Variants in FAM222B observed in about 807,000 individuals in gnomAD.
FAM222B encodes family with sequence similarity 222 member B.
FAM222B carries 12 observed loss-of-function variants against 38.0 expected under a neutral mutation model. The observed-to-expected ratio is 0.32, with a 90% CI of 0.20 to 0.51. The LOEUF (loss-of-function observed/expected upper bound fraction) is 0.51, where lower values mean the gene tolerates loss of function less well. Among genes scored for constraint, FAM222B ranks in the 20% least tolerant of loss-of-function variants. The probability of loss-of-function intolerance (pLI) is 0.97; values close to 1 mark genes in which losing one functional copy is unlikely to be tolerated. For missense variants in FAM222B, 716 were observed against 754.2 expected, an observed-to-expected ratio of 0.95 and a Z score of 0.59; for synonymous variants, 329 against 317.2, an observed-to-expected ratio of 1.04 and a Z score of -0.40.
chr17:28,805,621 A>ACATC (rs2037455337), intron 1 of FAM222B, among the ~76,000 whole-genome samples: 1 of 151,948 alleles, frequency 6.6e-6, no homozygotes, highest in African/African-American at 2.4e-5. Context: ...ACTATATTCG[A>ACATC]ACCTGGATGA....
rs529078040 is a variant in FAM222B at position 28,775,899 on chromosome 17, CAAAAACAA to C, written c.-40-9200_-40-9193del. Among the ~76,000 whole-genome samples the C allele has an allele frequency of 2.6e-4, 38 of 143,966 alleles. No individual in the cohort carries two copies. The South Asian group carries it at 8.1e-3, about 31-fold the overall frequency. 94.4% of individuals were successfully genotyped at this position (143,966 alleles called of 152,430 possible). A position where few individuals can be genotyped will look rare whatever the true frequency, so the allele number is the denominator to read the frequency against. ...CCATCTCCAAAAAAAAAAACAAAAA[CAAAAACAA>C]AAAAACAAAAAAAACAAAAAGAGCC... On this transcript the variant is annotated intron_variant, in intron 1 of 2. Transcript: ENST00000581407.
At chr17:28,826,642 T>C (rs985123878) in intron 1 of FAM222B, among the ~76,000 whole-genome samples, 10 of 146,274 alleles carry the variant, frequency 6.8e-5, no homozygotes, top group Admixed American at 4.9e-4. Context: ...GATGGCGCCA[T>C]TGCACTCCAG....
At chr17:28,839,123 C>CGAGA (rs2038949534) in intron 1 of FAM222B, among the ~76,000 whole-genome samples, 1 of 151,998 alleles carries the variant, frequency 6.6e-6, no homozygotes, top group African/African-American at 2.4e-5. Context: ...AGGAGAATGG[C>CGAGA]GAGAACCCGG....
chr17:28,835,062 G>GTT (rs1252932007), intron 1 of FAM222B, among the ~76,000 whole-genome samples: 1 of 133,088 alleles, frequency 7.5e-6, no homozygotes, highest in Non-Finnish European at 1.7e-5. Flanking sequence ...GTGTGTGTGT[G>GTT]TGTGATGGAG....
chr17:28,760,614 G>C (rs577436089), intron 2 of FAM222B, among the ~76,000 whole-genome samples: 2 of 152,154 alleles, frequency 1.3e-5, no homozygotes, highest in African/African-American at 4.8e-5. Context: ...GAAATGCAGG[G>C]TCTGGAACTC....
At chr17:28,841,064 G>A (rs977541089) in intron 1 of FAM222B, among the ~76,000 whole-genome samples, 2 of 152,160 alleles carry the variant, frequency 1.3e-5, no homozygotes, top group African/African-American at 4.8e-5. Context: ...AGAGGCCGAG[G>A]TGGGTGGATC....
chr17:28,793,288 T>A (rs1450738506), intron 1 of FAM222B, among the ~76,000 whole-genome samples: 1 of 152,118 alleles, frequency 6.6e-6, no homozygotes, highest in African/African-American at 2.4e-5. Context: ...TAAACACACA[T>A]CCAGAACCTC....
chr17:28,814,095 G>A (rs2037921521), intron 1 of FAM222B, among the ~76,000 whole-genome samples: 1 of 151,442 alleles, frequency 6.6e-6, no homozygotes, highest in African/African-American at 2.4e-5. Flanking sequence ...AACTCGCACG[G>A]TAGTCCCAGC....
intron 1 of FAM222B, among the ~76,000 whole-genome samples, chr17:28,806,015 G>A (rs896146577): frequency 7.9e-5 from 12 of 151,998 alleles, no homozygotes; most frequent in Non-Finnish European, 5.9e-5. Flanking sequence ...TGGTGCATGT[G>A]GTGGCACATT....
At chr17:28,781,368 A>T (rs998060525) in intron 1 of FAM222B, among the ~76,000 whole-genome samples, 2 of 150,372 alleles carry the variant, frequency 1.3e-5, no homozygotes, top group Admixed American at 6.7e-5. Flanking sequence ...TGGCTATTAA[A>T]ATATATATAT....
chr17:28,833,009 TAAAAAAA>T (rs779596504), intron 1 of FAM222B, among the ~76,000 whole-genome samples: 7 of 90,802 alleles, frequency 7.7e-5, no homozygotes, highest in African/African-American at 1.8e-4. Context: ...CTGTCTCTAT[TAAAAAAA>T]AAAAAAAAAA....
chr17:28,847,205 A>T (rs1400923260), upstream of FAM222B, among the ~76,000 whole-genome samples: 1 of 151,842 alleles, frequency 6.6e-6, no homozygotes. Flanking sequence ...CCTGAACGAC[A>T]GAGACTCCGT....
chr17:28,844,799 C>CA (rs1380473217), upstream of FAM222B, among the ~76,000 whole-genome samples: 6 of 151,366 alleles, frequency 4.0e-5, no homozygotes, highest in Non-Finnish European at 5.9e-5. Context: ...CTCATCTCTA[C>CA]AAAAAATCTA....
chr17:28,824,177 G>A (rs915544971), intron 1 of FAM222B, among the ~76,000 whole-genome samples: 7 of 149,708 alleles, frequency 4.7e-5, no homozygotes, highest in African/African-American at 7.3e-5. Flanking sequence ...ACGCCCGGCC[G>A]AGAATTTTTT....
Position 28,758,264 on chromosome 17 carries a change from G to C in FAM222B, c.*6C>G. ...ATGTGTTGCACGTGGAGGGCAGCAG[G>C]GCTACCTATCTATACCCTGGGTGCT... On this transcript the variant is annotated 3_prime_UTR_variant, in exon 3 of 3. Coordinates refer to ENST00000581407, the MANE Select transcript of FAM222B (RefSeq NM_001077498.3). 3.9e-6 allele frequency: 6 copies of C among 1,557,082 alleles called. No individual in the cohort carries two copies. Among genetic ancestry groups the C allele is most frequent in the Non-Finnish European group, 4.3e-6 (5 of 1,151,876 alleles).
At chr17:28,774,444 A>G (rs2035788995) in intron 1 of FAM222B, among the ~76,000 whole-genome samples, 1 of 152,114 alleles carries the variant, frequency 6.6e-6, no homozygotes, top group Non-Finnish European at 1.5e-5. Flanking sequence ...TTAGCTACCC[A>G]AGGCAGGGGG....
chr17:28,799,779 T>C (rs1407098827), intron 1 of FAM222B, among the ~76,000 whole-genome samples: 1 of 152,074 alleles, frequency 6.6e-6, no homozygotes, highest in Non-Finnish European at 1.5e-5. Context: ...CAGGTAATTA[T>C]TTTATTTTTT....
chr17:28,763,845 T>C (rs192403429), intron 2 of FAM222B, among the ~76,000 whole-genome samples: 1 of 152,372 alleles, frequency 6.6e-6, no homozygotes, highest in East Asian at 1.9e-4. Flanking sequence ...CTATTATTTC[T>C]ATGACTTTAT....
chr17:28,794,981 T>G (rs2036869511), intron 1 of FAM222B, among the ~76,000 whole-genome samples: 1 of 151,454 alleles, frequency 6.6e-6, no homozygotes, highest in African/African-American at 2.4e-5. Context: ...TAATCCCAGG[T>G]ACTTGGGAGG....
Sources: allele counts gnomAD v4.1 joint callset (sites outside exome capture counted in the v4.1 genomes callset), GRCh38; gene constraint gnomAD v4.1.1; transcripts MANE v1.5; gene names NCBI Gene and HGNC (gene_info 2026-07-23, HGNC 2026-07-21).